The following FRMD4A variants were observed in gnomAD, a reference collection of about 807,000 sequenced individuals.
FRMD4A encodes the protein FERM domain-containing protein 4A.
In FRMD4A, 29 loss-of-function variants were observed where a neutral mutation model predicts 129.1. The observed-to-expected ratio is 0.22, with a 90% CI of 0.17 to 0.31. The LOEUF (loss-of-function observed/expected upper bound fraction) is 0.31, where lower values mean the gene tolerates loss of function less well. Ranked by LOEUF, FRMD4A falls within the 10% of genes least tolerant of loss-of-function variation. The probability of loss-of-function intolerance (pLI) is 1.00; values close to 1 mark genes in which losing one functional copy is unlikely to be tolerated. For synonymous variants in FRMD4A, 634 were observed against 571.6 expected (o/e 1.11, Z -1.56); for missense variants, 1,272 against 1,375.8 (o/e 0.92, Z 1.19).
At chr10:14,098,655 G>C (rs113837078) in intron 2 of FRMD4A, among the ~76,000 whole-genome samples, 8,420 of 152,048 alleles carry the variant, frequency 0.055, 300 homozygotes, top group Admixed American at 0.088. Flanking sequence ...TGATCCGCCC[G>C]CCTCGACCTC....
chr10:14,136,338 C>T (rs1839532874), intron 2 of FRMD4A, among the ~76,000 whole-genome samples: 2 of 152,162 alleles, frequency 1.3e-5, no homozygotes, highest in South Asian at 2.1e-4. Flanking sequence ...AAGAAAATTC[C>T]TTGTGGACCT....
chr10:14,140,634 A>T (rs1839788433), intron 2 of FRMD4A, among the ~76,000 whole-genome samples: 1 of 152,044 alleles, frequency 6.6e-6, no homozygotes, highest in African/African-American at 2.4e-5. Context: ...TCAATCATTC[A>T]TGTGCATTCT....
intron 2 of FRMD4A, among the ~76,000 whole-genome samples, chr10:14,181,089 G>A (rs1469767671): frequency 6.6e-6 from 1 of 152,150 alleles, no homozygotes; most frequent in Non-Finnish European, 1.5e-5. Flanking sequence ...CTAGCCCTTG[G>A]AGACTTTTCC....
chr10:13,780,441 T>C (rs1175149182), intron 6 of FRMD4A, among the ~76,000 whole-genome samples: 1 of 152,150 alleles, frequency 6.6e-6, no homozygotes, highest in African/African-American at 2.4e-5. Flanking sequence ...TTTTGGGTCA[T>C]CCCACAAAAG....
chr10:14,092,497 G>C (rs763647896), intron 2 of FRMD4A, among the ~76,000 whole-genome samples: 1 of 152,242 alleles, frequency 6.6e-6, no homozygotes, highest in Non-Finnish European at 1.5e-5. Flanking sequence ...GAAACTGGAG[G>C]TAGCTGTAAT....
intron 2 of FRMD4A, among the ~76,000 whole-genome samples, chr10:14,217,314 A>T (rs1414197402): frequency 6.6e-6 from 1 of 151,994 alleles, no homozygotes; most frequent in African/African-American, 2.4e-5. Context: ...TAATTCCCAC[A>T]TGTTGTGGGA....
chr10:14,310,522 G>GA (rs1249634758), intron 2 of FRMD4A, among the ~76,000 whole-genome samples: 1 of 152,178 alleles, frequency 6.6e-6, no homozygotes, highest in Non-Finnish European at 1.5e-5. Flanking sequence ...GTGCCAATAG[G>GA]AAAAAGGCTA....
rs542881693 is a variant in FRMD4A, at chr10:13,705,378, G to C, written c.836+1659C>G. ...CACACATGTGCAGATATATGCGTGC[G>C]TGGTTAAAGGATTTGTCCAAGGTGC... On this transcript the variant is annotated intron_variant, in intron 13 of 24. Coordinates refer to ENST00000357447, the MANE Select transcript of FRMD4A (RefSeq NM_018027.5). Among the ~76,000 whole-genome samples, 5 of 152,282 alleles carry C rather than the reference G, an allele frequency of 3.3e-5. No individual in the cohort carries two copies. The South Asian group carries it at 1.0e-3, about 32-fold the overall frequency.
At chr10:14,075,521 T>C (rs1483804013) in intron 2 of FRMD4A, among the ~76,000 whole-genome samples, 1 of 152,186 alleles carries the variant, frequency 6.6e-6, no homozygotes, top group African/African-American at 2.4e-5. Context: ...TTCCAACATA[T>C]CATGTTGCTT....
At chr10:13,894,666 AC>A (rs2094737959) in intron 2 of FRMD4A, among the ~76,000 whole-genome samples, 1 of 151,802 alleles carries the variant, frequency 6.6e-6, no homozygotes, top group South Asian at 2.1e-4. Context: ...CCTGCTCCCT[AC>A]CCCACTCTTT....
At chr10:14,200,641 C>T (rs1044470315) in intron 2 of FRMD4A, among the ~76,000 whole-genome samples, 1 of 152,200 alleles carries the variant, frequency 6.6e-6, no homozygotes, top group African/African-American at 2.4e-5. Flanking sequence ...TCATAAAACG[C>T]TGAGCACTGT....
intron 15 of FRMD4A, among the ~76,000 whole-genome samples, chr10:13,687,433 C>T (rs1179119579): frequency 6.6e-6 from 1 of 151,964 alleles, no homozygotes; most frequent in Non-Finnish European, 1.5e-5. Context: ...CAAAGATACA[C>T]CCAGTTATTG....
Position 14,174,771 on chromosome 10 carries a change from T to A in FRMD4A, c.45+155287A>T, listed in dbSNP as rs549383450. Among the ~76,000 whole-genome samples, 5 of 152,234 alleles carry A rather than the reference T, an allele frequency of 3.3e-5. No individual in the cohort carries two copies. The South Asian group carries it at 6.2e-4, about 19-fold the overall frequency. On this transcript the variant is annotated intron_variant, in intron 2 of 24. Transcript: ENST00000357447. ...TGGGTTCTTCTGCAGTTTGGCCAGA[T>A]GTTTAGAGGCACATAACTGTAGCCT...
At chr10:14,014,722 G>A (rs1009426177) in intron 2 of FRMD4A, among the ~76,000 whole-genome samples, 3 of 152,228 alleles carry the variant, frequency 2.0e-5, no homozygotes, top group Admixed American at 6.5e-5. Context: ...CAGGGGCTGC[G>A]AGATTATCTC....
intron 2 of FRMD4A, among the ~76,000 whole-genome samples, chr10:13,966,449 T>C (rs1337990804): frequency 6.6e-6 from 1 of 152,224 alleles, no homozygotes; most frequent in African/African-American, 2.4e-5. Context: ...GGCCCTGCCA[T>C]TAACCCTGGT....
intron 2 of FRMD4A, among the ~76,000 whole-genome samples, chr10:13,985,319 T>C (rs1450912688): frequency 2.0e-5 from 3 of 152,308 alleles, no homozygotes; most frequent in East Asian, 1.9e-4. Context: ...TAAGGTCAGC[T>C]GGTCTCTCTA....
chr10:13,927,044 A>G (rs1030709520), intron 2 of FRMD4A, among the ~76,000 whole-genome samples: 1 of 152,192 alleles, frequency 6.6e-6, no homozygotes, highest in African/African-American at 2.4e-5. Flanking sequence ...ACTTGAGGTC[A>G]GGACTTGAAG....
intron 2 of FRMD4A, among the ~76,000 whole-genome samples, chr10:14,108,750 C>G (rs1449705346): frequency 6.6e-6 from 1 of 151,886 alleles, no homozygotes; most frequent in Non-Finnish European, 1.5e-5. Flanking sequence ...CTCATATTTG[C>G]TAAAGAGATG....
chr10:13,834,705 C>T (rs1425772540), intron 3 of FRMD4A, among the ~76,000 whole-genome samples: 1 of 152,142 alleles, frequency 6.6e-6, no homozygotes, highest in Admixed American at 6.5e-5. Context: ...GAACAAGGCA[C>T]GGGGCTCCAC....
Sources: gnomAD v4.1 joint callset for allele counts (sites outside exome capture counted in the v4.1 genomes callset) on GRCh38, gnomAD v4.1.1 for gene constraint, MANE v1.5 for transcripts, NCBI Gene and HGNC (gene_info 2026-07-23, HGNC 2026-07-21) for gene names.